POLN: variants seen among roughly 807,000 people sequenced by gnomAD.
POLN encodes the protein DNA polymerase N.
Under a neutral mutation model 113.5 loss-of-function variants are expected in POLN, and 108 were observed. The observed-to-expected ratio is 0.95, with a 90% confidence interval of 0.81 to 1.12. The LOEUF (loss-of-function observed/expected upper bound fraction) is 1.12. Among genes scored for constraint, POLN ranks in the 50% most tolerant of loss-of-function variants. The pLI is 0.00. For missense variants in POLN, 1,097 were observed against 1,077.1 expected, an observed-to-expected ratio of 1.02 and a Z score of -0.26; for synonymous variants, 386 against 391.5, an observed-to-expected ratio of 0.99 and a Z score of 0.17.
intron 11 of POLN, among the ~76,000 whole-genome samples, chr4:2,172,265 C>T (rs1449039767): frequency 6.6e-6 from 1 of 152,132 alleles, no homozygotes; most frequent in Non-Finnish European, 1.5e-5. Context: ...TTGAATTGAA[C>T]CTCTGAACTG....
intron 7 of POLN, among the ~76,000 whole-genome samples, chr4:2,180,447 A>G (rs1733107482): frequency 6.6e-6 from 1 of 152,206 alleles, no homozygotes; most frequent in Non-Finnish European, 1.5e-5. Flanking sequence ...ATCATATCAC[A>G]TTAAATATTA....
chr4:2,148,920 A>G (rs1156361524), intron 16 of POLN, among the ~76,000 whole-genome samples: 1 of 152,186 alleles, frequency 6.6e-6, no homozygotes, highest in African/African-American at 2.4e-5. Context: ...CAAAGTATTG[A>G]GAAAAAAAAC....
rs67359279 is a variant in POLN, at chr4:2,115,208, C to CTATATATA, written c.1982+12897_1982+12904dup. On this transcript the variant is annotated intron_variant, in intron 19 of 25. Transcript: ENST00000511885. Reference sequence around the variant, plus strand: ...GGATTACAGGTGTCCACCACCACAGCTATATATATATATATATATATTTTT... The same window carrying CTATATATA: ...GGATTACAGGTGTCCACCACCACAGCTATATATATATATATATATATATATATATTTTT... 4.3e-3 allele frequency among the ~76,000 whole-genome samples: 514 copies of CTATATATA among 119,234 alleles called. 5 individuals are homozygous for CTATATATA. The highest frequency in any genetic ancestry group is 0.015 in the African/African-American group (492 of 33,692). The allele number at this position is 119,234 out of a possible 152,430, so 78.2% of individuals were successfully genotyped here.
intron 16 of POLN, chr4:2,156,576 C>T (rs1561049489): frequency 1.6e-6 from 1 of 644,980 alleles, no homozygotes; most frequent in African/African-American, 1.8e-5. Context: ...TGTGAAGCCC[C>T]CCTCTTGCTA....
At position 2,198,622 on chromosome 4, in the gene POLN, A is replaced by T; in HGVS notation, c.810T>A (p.Val270=). 1 of 1,613,958 alleles carries T rather than the reference A, an allele frequency of 6.2e-7. No individual in the cohort carries two copies. The highest frequency in any genetic ancestry group is 8.5e-7 in the Non-Finnish European group (1 of 1,179,994). The part of the protein sequence containing the change: ...GCPDAPACGP[V]LEGFVSDDPC... Reference sequence around the variant, plus strand: ...GATCATCTGACACAAAGCCCTCCAGAACAGGACCACAGGCCGGGGCATCTG... The same window carrying T: ...GATCATCTGACACAAAGCCCTCCAGTACAGGACCACAGGCCGGGGCATCTG... Residue 270 remains valine, a synonymous_variant, in exon 6 of 26, where the codon GTT becomes GTA. Transcript: ENST00000511885.
intron 2 of POLN, chr4:2,241,134 GAC>G: frequency 2.0e-6 from 1 of 510,882 alleles, no homozygotes. Context: ...CAAATATGAC[GAC>G]AGTGTTTTTA....
At chr4:2,089,826 C>A in intron 20 of POLN, 1 of 851,028 alleles carries the variant, frequency 1.2e-6, no homozygotes, top group South Asian at 1.5e-5. Flanking sequence ...GAAGTCTCAA[C>A]AAATCAGCAT....
In POLN at chr4:2,120,654, C is replaced by T. The variant is rs577529516; in HGVS notation, c.1982+7459G>A. Reference sequence around the variant, plus strand: ...GATTACAGGCGCTCATCACTACAACCGGCTAATTTTTTGTATTTTTAGTAG... The same window carrying T: ...GATTACAGGCGCTCATCACTACAACTGGCTAATTTTTTGTATTTTTAGTAG... On this transcript the variant is annotated intron_variant, in intron 19 of 25. Transcript: ENST00000511885. Among the ~76,000 whole-genome samples the T allele has an allele frequency of 2.6e-4, 40 of 152,132 alleles. 2 individuals carry two copies. The South Asian group carries it at 5.2e-3, about 20-fold the overall frequency.
chr4:2,191,056 C>G (rs1320038507), intron 7 of POLN, among the ~76,000 whole-genome samples: 5 of 152,314 alleles, frequency 3.3e-5, no homozygotes, highest in African/African-American at 1.2e-4. Context: ...AGAGCGATAT[C>G]TGCATTCCCA....
chr4:2,239,649 T>G (rs980227548), intron 2 of POLN, among the ~76,000 whole-genome samples: 12 of 152,202 alleles, frequency 7.9e-5, no homozygotes, highest in Non-Finnish European at 1.6e-4. Flanking sequence ...GACCTCTGAC[T>G]TCATTAGCAC....
intron 2 of POLN, chr4:2,240,387 T>C (rs751658483): frequency 1.9e-6 from 3 of 1,609,786 alleles, no homozygotes; most frequent in Admixed American, 1.7e-5. Flanking sequence ...ATTTGTCCCT[T>C]GACCTAAATT....
chr4:2,081,128 C>T lies in POLN; in HGVS notation c.2309-92G>A, dbSNP rs758745084. On this transcript the variant is annotated intron_variant, in intron 22 of 25. Coordinates refer to ENST00000511885, the MANE Select transcript of POLN (RefSeq NM_181808.4). ...CACCATCGCCACAGCTCTCACGGTA[C>T]CTCCACACAGAGGTGCTGGCTCTGA... The T allele has an allele frequency of 5.0e-6, 8 of 1,605,514 alleles. No homozygotes were observed. In the South Asian group the frequency reaches 8.8e-5, roughly 18 times the overall value.
At chr4:2,195,575 C>T (rs1358520739) in intron 6 of POLN, among the ~76,000 whole-genome samples, 2 of 151,050 alleles carry the variant, frequency 1.3e-5, no homozygotes, top group Non-Finnish European at 2.9e-5. Flanking sequence ...GCTCAAACTG[C>T]TGGACCCAAG....
chr4:2,183,220 C>T (rs979061030), intron 7 of POLN, among the ~76,000 whole-genome samples: 1 of 152,170 alleles, frequency 6.6e-6, no homozygotes, highest in African/African-American at 2.4e-5. Context: ...AATGGTGCAG[C>T]CTTGTTGGAA....
rs1730709746 is a variant in POLN, at chr4:2,093,317, C to T, written c.2065+2534G>A. Among the ~76,000 whole-genome samples the T allele has an allele frequency of 6.6e-6, 1 of 152,234 alleles. No homozygotes were observed. On this transcript the variant is annotated intron_variant, in intron 20 of 25. Coordinates refer to ENST00000511885, the MANE Select transcript of POLN (RefSeq NM_181808.4). This position sits in a 1 kb window ranked among gnomAD's most constrained non-coding sequence, Gnocchi z 4.1. ...TGCCACAGGAGACCTACAGAAGCTG[C>T]TCAGTCACTTGGAGGCATTTACTGA...
chr4:2,120,258 A>G (rs1373565123), intron 19 of POLN, among the ~76,000 whole-genome samples: 1 of 152,182 alleles, frequency 6.6e-6, no homozygotes, highest in Non-Finnish European at 1.5e-5. Flanking sequence ...TATACATTTT[A>G]GACTAAGCTT....
intron 3 of POLN, among the ~76,000 whole-genome samples, chr4:2,223,398 A>G (rs1734308812): frequency 6.6e-6 from 1 of 152,196 alleles, no homozygotes; most frequent in South Asian, 2.1e-4. Flanking sequence ...CATAGGAGCA[A>G]GAACTGTACT....
At chr4:2,180,331 T>C (rs1355563315) in intron 7 of POLN, among the ~76,000 whole-genome samples, 1 of 152,198 alleles carries the variant, frequency 6.6e-6, no homozygotes, top group Admixed American at 6.5e-5. Flanking sequence ...TAGAAATCAA[T>C]AGACAAACTA....
At chr4:2,173,029 C>T (rs1273498216) in intron 11 of POLN, among the ~76,000 whole-genome samples, 3 of 152,180 alleles carry the variant, frequency 2.0e-5, no homozygotes, top group Non-Finnish European at 4.4e-5. Context: ...AAAGGCCACA[C>T]GTAAGTCACT....
Sources: allele counts gnomAD v4.1 joint callset (sites outside exome capture counted in the v4.1 genomes callset), GRCh38; gene constraint gnomAD v4.1.1; non-coding constraint Gnocchi (gnomAD v3.1); transcripts MANE v1.5; gene names NCBI Gene and HGNC (gene_info 2026-07-23, HGNC 2026-07-21).